CDCA7L: variants seen among roughly 807,000 people sequenced by gnomAD.
CDCA7L encodes cell division cycle associated 7 like, also known as cell division cycle-associated 7-like protein.
CDCA7L carries 44 observed loss-of-function variants against 57.4 expected under a neutral mutation model. The ratio of observed to expected loss-of-function variants is 0.77; its 90% CI spans 0.60 to 0.98. The LOEUF is 0.98. Among genes scored for constraint, CDCA7L ranks in the 50% least tolerant of loss-of-function variants. The probability of loss-of-function intolerance (pLI) is 0.00; values close to 1 mark genes in which losing one functional copy is unlikely to be tolerated. For missense variants in CDCA7L, 644 were observed against 580.6 expected (o/e 1.11, Z -1.12); for synonymous variants, 236 against 202.8 (o/e 1.16, Z -1.39).
chr7:21,926,493 C>T (rs771953611), intron 1 of CDCA7L, among the ~76,000 whole-genome samples: 3 of 152,140 alleles, frequency 2.0e-5, no homozygotes, highest in Admixed American at 6.5e-5. Context: ...TTTGAACAGA[C>T]CTTTCTCCAA....
rs1490248807 is a variant in CDCA7L, at chr7:21,902,032, C to G, written c.*290G>C. 7.1e-6 allele frequency: 3 copies of G among 424,032 alleles called. No homozygotes were observed. Among genetic ancestry groups the G allele is most frequent in the African/African-American group, 4.0e-5 (2 of 50,478 alleles). The allele number at this position is 424,032 out of a possible 1,614,324, so 26.3% of individuals were successfully genotyped here. A position where few individuals can be genotyped will look rare whatever the true frequency, so the allele number is the denominator to read the frequency against. On this transcript the variant is annotated 3_prime_UTR_variant, in exon 10 of 10. Transcript: ENST00000406877. ...TTTCTCTCTAACTTACTTACCTGAACTTTAACCCCACCCCATTTAAACTGT... is the reference window on the plus strand; with the variant it reads ...TTTCTCTCTAACTTACTTACCTGAAGTTTAACCCCACCCCATTTAAACTGT...
At chr7:21,936,075 G>C (rs1019243962) in intron 1 of CDCA7L, among the ~76,000 whole-genome samples, 2 of 151,842 alleles carry the variant, frequency 1.3e-5, no homozygotes, top group Admixed American at 1.3e-4. Flanking sequence ...CCAACAAATT[G>C]GATTATCTAG....
Position 21,901,385 on chromosome 7 carries a change from C to CCTTAGAGT in CDCA7L, c.*929_*936dup. ...ACGTGCATTCTTTTTTCAACGCTAT[C>CCTTAGAGT]CTTAGAGTGAAAGTCAGAAAAAAAT... On this transcript the variant is annotated 3_prime_UTR_variant, in exon 10 of 10. Coordinates refer to ENST00000406877, the MANE Select transcript of CDCA7L (RefSeq NM_018719.5). The CCTTAGAGT allele has an allele frequency of 4.7e-6, 6 of 1,277,500 alleles. No individual in the cohort carries two copies. Among genetic ancestry groups the CCTTAGAGT allele is most frequent in the Non-Finnish European group, 5.1e-6 (5 of 985,822 alleles). The allele number at this position is 1,277,500 out of a possible 1,614,324, so 79.1% of individuals were successfully genotyped here.
intron 6 of CDCA7L, among the ~76,000 whole-genome samples, 187 bp downstream of exon 6, chr7:21,906,102 A>G (rs902890375): frequency 2.0e-5 from 3 of 152,194 alleles, no homozygotes; most frequent in African/African-American, 4.8e-5. Context: ...AGCTTAGACC[A>G]GGGCTGCTTC....
intron 1 of CDCA7L, among the ~76,000 whole-genome samples, chr7:21,931,474 T>A (rs559622281): frequency 6.6e-6 from 1 of 152,286 alleles, no homozygotes; most frequent in African/African-American, 2.4e-5. Context: ...TGGTTCAATA[T>A]ATGCAAATCA....
At position 21,901,672 on chromosome 7, in the gene CDCA7L, A is replaced by G. The variant is rs1784870138; in HGVS notation, c.*650T>C. The G allele has an allele frequency of 6.4e-6, 1 of 156,986 alleles. No individual in the cohort carries two copies. Among genetic ancestry groups the G allele is most frequent in the Non-Finnish European group, 1.4e-5 (1 of 71,134 alleles). The allele number at this position is 156,986 out of a possible 1,614,324, so 9.7% of individuals were successfully genotyped here. A position where few individuals can be genotyped will look rare whatever the true frequency, so the allele number is the denominator to read the frequency against. On this transcript the variant is annotated 3_prime_UTR_variant, in exon 10 of 10. Coordinates refer to ENST00000406877, the MANE Select transcript of CDCA7L (RefSeq NM_018719.5). ...TAATTTTTAACAAACAACAAATTAAATTATTAGCCCTTAAACTCTTTCAAA... is the reference window on the plus strand; with the variant it reads ...TAATTTTTAACAAACAACAAATTAAGTTATTAGCCCTTAAACTCTTTCAAA...
At chr7:21,945,396 G>C (rs530557224) in intron 1 of CDCA7L, among the ~76,000 whole-genome samples, 1 of 151,854 alleles carries the variant, frequency 6.6e-6, no homozygotes, top group Non-Finnish European at 1.5e-5. Flanking sequence ...TAAGCTTCCT[G>C]ATCTCTGTGC....
chr7:21,919,310 C>A (rs2128062946), intron 1 of CDCA7L, among the ~76,000 whole-genome samples: 1 of 152,042 alleles, frequency 6.6e-6, no homozygotes, highest in Admixed American at 6.6e-5. Flanking sequence ...GCTGACTGTC[C>A]CAAATTTGGC....
chr7:21,935,347 T>A (rs1786130228), intron 1 of CDCA7L, among the ~76,000 whole-genome samples: 1 of 151,864 alleles, frequency 6.6e-6, no homozygotes, highest in African/African-American at 2.4e-5. Context: ...CAAATGTAAA[T>A]GAAAACAAAA....
At chr7:21,934,089 T>C (rs1198527612) in intron 1 of CDCA7L, among the ~76,000 whole-genome samples, 1 of 152,162 alleles carries the variant, frequency 6.6e-6, no homozygotes, top group African/African-American at 2.4e-5. Flanking sequence ...CACCGTAACT[T>C]TGTCAAAGCC....
chr7:21,912,343 T>G (rs1270164999), intron 2 of CDCA7L, among the ~76,000 whole-genome samples: 1 of 152,172 alleles, frequency 6.6e-6, no homozygotes, highest in Non-Finnish European at 1.5e-5. Context: ...ACACATTTTC[T>G]AAAGCTTACA....
intron 1 of CDCA7L, among the ~76,000 whole-genome samples, chr7:21,924,168 C>A (rs1033125574): frequency 3.3e-5 from 5 of 152,082 alleles, no homozygotes; most frequent in African/African-American, 9.7e-5. Flanking sequence ...AAAAATACAA[C>A]CTCCTACCCA....
In CDCA7L at chr7:21,901,461, G is replaced by C. The variant is rs1784843159; in HGVS notation, c.*861C>G. 3.4e-6 allele frequency: 2 copies of C among 584,466 alleles called. No homozygotes were observed. Among genetic ancestry groups the C allele is most frequent in the Non-Finnish European group, 5.0e-6 (2 of 403,198 alleles). The allele number at this position is 584,466 out of a possible 1,614,324, so 36.2% of individuals were successfully genotyped here. ...GTGGTGGCACACGACTGTAATCCCAGTTACTCAGGAGGTAGGAGAATCACT... is the reference window on the plus strand; with the variant it reads ...GTGGTGGCACACGACTGTAATCCCACTTACTCAGGAGGTAGGAGAATCACT... On this transcript the variant is annotated 3_prime_UTR_variant, in exon 10 of 10. Transcript: ENST00000406877.
intron 1 of CDCA7L, among the ~76,000 whole-genome samples, chr7:21,928,718 A>G (rs921134980): frequency 1.3e-5 from 2 of 151,950 alleles, no homozygotes; most frequent in Non-Finnish European, 2.9e-5. Flanking sequence ...CTGAAGATCA[A>G]CTTAATGAAA....
chr7:21,903,004 A>G lies in CDCA7L; in HGVS notation c.1308T>C (p.Tyr436=), dbSNP rs759756374. ...ILIHLAKFYG[Y]DNVKEYLESL... Reference sequence around the variant, plus strand: ...TCTCCAGATATTCCTTAACATTGTCATAACCATAAAACTTGGCCAGATGAA... The same window carrying G: ...TCTCCAGATATTCCTTAACATTGTCGTAACCATAAAACTTGGCCAGATGAA... Residue 436 remains tyrosine, a synonymous_variant, in exon 9 of 10, where the codon TAT becomes TAC. Coordinates refer to ENST00000406877, the MANE Select transcript of CDCA7L (RefSeq NM_018719.5). 41 of 1,613,852 alleles carry G rather than the reference A, an allele frequency of 2.5e-5. No homozygotes were observed. The highest frequency in any genetic ancestry group is 2.2e-5 in the Non-Finnish European group (26 of 1,179,838).
chr7:21,902,290 T>C lies in CDCA7L; in HGVS notation c.*32A>G. 1 of 1,599,454 alleles carries C rather than the reference T, an allele frequency of 6.3e-7. No individual in the cohort carries two copies. Among genetic ancestry groups the C allele is most frequent in the East Asian group, 2.2e-5 (1 of 44,858 alleles). ...ATGCATGTCTTGTTGGAGTACTCTATGGTGAGGTGGCTGGTTCTGTTTGTT... is the reference window on the plus strand; with the variant it reads ...ATGCATGTCTTGTTGGAGTACTCTACGGTGAGGTGGCTGGTTCTGTTTGTT... On this transcript the variant is annotated 3_prime_UTR_variant, in exon 10 of 10. Coordinates refer to ENST00000406877, the MANE Select transcript of CDCA7L (RefSeq NM_018719.5).
At chr7:21,936,429 G>A (rs919849416) in intron 1 of CDCA7L, among the ~76,000 whole-genome samples, 1 of 152,128 alleles carries the variant, frequency 6.6e-6, no homozygotes, top group Non-Finnish European at 1.5e-5. Context: ...TCAACAAAAT[G>A]CAGGTAAAAC....
At position 21,908,354 on chromosome 7, in the gene CDCA7L, G is replaced by C. The variant is rs749722138; in HGVS notation, c.457C>G (p.Leu153Val). ...RVAFQFPTKK[L>V]ANKPDKNSSS... ...CTGTTTTTATCTGGTTTGTTGGCCA[G>C]CTTCTTGGTGGGGAACTGAAAGGCT... The change falls in exon 4 of 10, where the codon CTG becomes GTG. Residue 153 changes from leucine (L) to valine (V), a missense_variant. Leu to Val is a conservative substitution (Grantham distance 32, BLOSUM62 1). Coordinates refer to ENST00000406877, the MANE Select transcript of CDCA7L (RefSeq NM_018719.5). The C allele has an allele frequency of 8.1e-6, 13 of 1,609,714 alleles. No individual in the cohort carries two copies. Among genetic ancestry groups the C allele is most frequent in the Non-Finnish European group, 1.1e-5 (13 of 1,178,960 alleles).
In CDCA7L at chr7:21,916,870, A is replaced by C. The variant is rs1785500122; in HGVS notation, c.49T>G (p.Phe17Val). 1 of 1,613,988 alleles carries C rather than the reference A, an allele frequency of 6.2e-7. No homozygotes were observed. The highest frequency in any genetic ancestry group is 8.5e-7 in the Non-Finnish European group (1 of 1,179,996). The change falls in exon 2 of 10, where the codon TTT (phenylalanine) becomes GTT (valine). Residue 17 changes from phenylalanine (F) to valine (V), a missense_variant. Physicochemically the swap from Phe to Val is conservative, Grantham distance 50 (BLOSUM62 -1). Transcript: ENST00000406877. Reference protein sequence around the residue: ...YQIPKEVADIFNAPSDDEEFV... With the variant: ...YQIPKEVADIVNAPSDDEEFV... ...TCTTCATCATCACTGGGGGCGTTAA[A>C]GATGTCAGCCACTTCTTTAGGGATC...
Sources: allele counts gnomAD v4.1 joint callset (sites outside exome capture counted in the v4.1 genomes callset), GRCh38; gene constraint gnomAD v4.1.1; transcripts MANE v1.5; gene names NCBI Gene and HGNC (gene_info 2026-07-23, HGNC 2026-07-21).